Variants in SPIDR observed in about 807,000 individuals in gnomAD.
SPIDR encodes the protein DNA repair-scaffolding protein.
In SPIDR, 93 loss-of-function variants were observed where a neutral mutation model predicts 104.6. The ratio of observed to expected loss-of-function variants is 0.89; its 90% CI spans 0.75 to 1.06. SPIDR has a LOEUF of 1.06. SPIDR is among the 50% of genes least tolerant of loss of function. The pLI is 0.00. For missense variants in SPIDR, 1,154 were observed against 1,111.2 expected (o/e 1.04, Z -0.55); for synonymous variants, 431 against 416.9 (o/e 1.03, Z -0.41).
At chr8:47,664,262 T>C (rs2074558587) in intron 10 of SPIDR, among the ~76,000 whole-genome samples, 1 of 152,100 alleles carries the variant, frequency 6.6e-6, no homozygotes, top group Non-Finnish European at 1.5e-5. Flanking sequence ...ACCCATAGGT[T>C]GGAGGCTTCA....
At chr8:47,519,345 A>T (rs913145222) in intron 8 of SPIDR, among the ~76,000 whole-genome samples, 8 of 152,060 alleles carry the variant, frequency 5.3e-5, no homozygotes, top group Admixed American at 3.9e-4. Flanking sequence ...GGGTTTCATC[A>T]TGTTAGCCAG....
intron 8 of SPIDR, among the ~76,000 whole-genome samples, chr8:47,466,900 A>AAAAATATAT (rs34970317): frequency 8.7e-6 from 1 of 114,368 alleles, no homozygotes; most frequent in African/African-American, 3.6e-5. Flanking sequence ...AAAAAAAAAA[A>AAAAATATAT]ATATATATAT....
At chr8:47,539,247 C>A (rs550265604) in intron 8 of SPIDR, among the ~76,000 whole-genome samples, 41 of 152,236 alleles carry the variant, frequency 2.7e-4, no homozygotes, top group African/African-American at 9.4e-4. Context: ...CGGAGATTAA[C>A]CTTTTTAAAA....
chr8:47,284,982 G>A (rs1554562062), intron 3 of SPIDR, among the ~76,000 whole-genome samples: 1,693 of 152,304 alleles, frequency 0.011, 17 homozygotes, highest in Non-Finnish European at 0.017. Flanking sequence ...TGTGACTTCC[G>A]GGATCTTGCT....
rs769812223 is a variant in SPIDR at position 47,735,321 on chromosome 8, G to A, written c.2619G>A (p.Lys873=). 1.9e-6 allele frequency: 3 copies of A among 1,613,828 alleles called. No homozygotes were observed. Among genetic ancestry groups the A allele is most frequent in the Admixed American group, 1.7e-5 (1 of 60,004 alleles). The part of the protein sequence containing the change: ...AAGEDGSYEV[K]SVLGKEVGLL... ...TATCACTGCAGAGCTACGAAGTGAA[G>A]AGTGTCCTCGGAAAGGAAGTGGGGT... Residue 873 remains lysine (K), a synonymous_variant, in exon 20 of 20, where the codon AAG becomes AAA. Transcript: ENST00000297423.
chr8:47,425,873 T>A (rs1195310693), intron 7 of SPIDR, among the ~76,000 whole-genome samples: 4 of 152,082 alleles, frequency 2.6e-5, no homozygotes, highest in African/African-American at 7.2e-5. Flanking sequence ...TATTGAAATA[T>A]AAGAAACTAC....
intron 10 of SPIDR, among the ~76,000 whole-genome samples, chr8:47,658,544 C>CTGTTGTTGTTGT (rs10584346): frequency 1.1e-3 from 159 of 148,578 alleles, no homozygotes; most frequent in Non-Finnish European, 1.4e-3. Context: ...GGTTTTGTTA[C>CTGTTGTTGTTGT]TGTTGTTGTT....
intron 5 of SPIDR, among the ~76,000 whole-genome samples, chr8:47,372,673 T>C (rs1169240221): frequency 6.6e-6 from 1 of 152,004 alleles, no homozygotes; most frequent in East Asian, 1.9e-4. Context: ...TATAATGTCT[T>C]TCATTTAATC....
chr8:47,691,853 C>A (rs1045713857), intron 11 of SPIDR, among the ~76,000 whole-genome samples: 1 of 152,234 alleles, frequency 6.6e-6, no homozygotes, highest in African/African-American at 2.4e-5. Context: ...AGCGCAACCA[C>A]TCCAAAAGTA....
chr8:47,400,918 T>C (rs1046239318), intron 6 of SPIDR, among the ~76,000 whole-genome samples: 1 of 152,134 alleles, frequency 6.6e-6, no homozygotes, highest in African/African-American at 2.4e-5. Context: ...CTCTTCAGGA[T>C]ATTATCCAGG....
At chr8:47,428,581 G>A (rs2066819973) in intron 7 of SPIDR, among the ~76,000 whole-genome samples, 1 of 151,976 alleles carries the variant, frequency 6.6e-6, no homozygotes, top group Non-Finnish European at 1.5e-5. Context: ...AGTTTCTCTG[G>A]GGATTTTTTT....
intron 8 of SPIDR, among the ~76,000 whole-genome samples, chr8:47,479,688 A>G (rs535674396): frequency 3.9e-5 from 6 of 152,324 alleles, no homozygotes; most frequent in Non-Finnish European, 7.4e-5. Flanking sequence ...TGCTCTTTTC[A>G]GACCAGGAAG....
intron 8 of SPIDR, among the ~76,000 whole-genome samples, chr8:47,475,917 T>C (rs2076237351): frequency 6.6e-6 from 1 of 152,206 alleles, no homozygotes; most frequent in East Asian, 1.9e-4. Context: ...TTTTTGGTTA[T>C]TGGTTTCTTT....
At chr8:47,586,511 A>G (rs1261106439) in intron 8 of SPIDR, among the ~76,000 whole-genome samples, 1 of 152,164 alleles carries the variant, frequency 6.6e-6, no homozygotes, top group East Asian at 1.9e-4. Flanking sequence ...TCCTTGTGCT[A>G]ATGTGCCATT....
intron 11 of SPIDR, among the ~76,000 whole-genome samples, chr8:47,693,390 T>G (rs2078933480): frequency 2.0e-5 from 3 of 152,216 alleles, no homozygotes; most frequent in Non-Finnish European, 4.4e-5. Context: ...TCAGGGCTCA[T>G]GAAAAATTCT....
chr8:47,374,450 T>C (rs1373404093), intron 5 of SPIDR, among the ~76,000 whole-genome samples: 1 of 152,244 alleles, frequency 6.6e-6, no homozygotes, highest in Non-Finnish European at 1.5e-5. Context: ...TTAAACTTTA[T>C]TGCCTAGAAA....
In SPIDR at chr8:47,386,904, G is replaced by T. The variant is rs1166852492; in HGVS notation, c.526-9472G>T. On this transcript the variant is annotated intron_variant, in intron 5 of 19. Coordinates refer to ENST00000297423, the MANE Select transcript of SPIDR (RefSeq NM_001080394.4). ...AGAGAGAGAGAGAAAGAGAGAGAGA[G>T]ATATAGATATAGATATAGATATAGA... 2.4e-4 allele frequency among the ~76,000 whole-genome samples: 31 copies of T among 126,858 alleles called. 1 individual carries two copies. The highest frequency in any genetic ancestry group is 1.0e-3 in the Admixed American group (13 of 12,826). The allele number at this position is 126,858 out of a possible 152,430, so 83.2% of individuals were successfully genotyped here.
At position 47,727,293 on chromosome 8, in the gene SPIDR, G is replaced by A. The variant is rs909933959; in HGVS notation, c.2435G>A (p.Arg812Lys). ...NGRLEQRPED[R>K]GAFSCGDCSR... ...AGATTGGAACAGAGGCCGGAAGACA[G>A]GTAAGGGGACAGGAGCTGTCCTGAA... The change falls in exon 17 of 20, where the codon AGA (arginine) becomes AAA (lysine). Residue 812 changes from arginine (R) to lysine (K), a missense_variant and splice_region_variant. Transcript: ENST00000297423. 6.2e-7 allele frequency: 1 copy of A among 1,613,842 alleles called. No individual in the cohort carries two copies. Among genetic ancestry groups the A allele is most frequent in the African/African-American group, 1.3e-5 (1 of 74,938 alleles).
intron 7 of SPIDR, 74 bp downstream of exon 7, chr8:47,408,035 TATGAAG>T: frequency 1.3e-6 from 1 of 778,164 alleles, no homozygotes. Flanking sequence ...CATTAAAATA[TATGAAG>T]TTAATTGTTA....
Sources: allele counts gnomAD v4.1 joint callset (sites outside exome capture counted in the v4.1 genomes callset), GRCh38; gene constraint gnomAD v4.1.1; transcripts MANE v1.5; gene names NCBI Gene and HGNC (gene_info 2026-07-23, HGNC 2026-07-21).